Variants in NAA16 observed in about 807,000 individuals in gnomAD.
NAA16 encodes the protein NARG1-like protein.
A neutral mutation model predicts 110.3 loss-of-function variants in NAA16; 97 were observed. The ratio of observed to expected loss-of-function variants is 0.88; its 90% CI spans 0.75 to 1.04. NAA16 has a LOEUF of 1.04. Ranked by LOEUF, NAA16 falls within the 50% of genes least tolerant of loss-of-function variation. The probability of loss-of-function intolerance (pLI) is 0.00; values close to 1 mark genes in which losing one functional copy is unlikely to be tolerated. For synonymous variants in NAA16, 372 were observed against 330.6 expected, an observed-to-expected ratio of 1.13 and a Z score of -1.36; for missense variants, 1,017 against 1,005.1, an observed-to-expected ratio of 1.01 and a Z score of -0.16.
Position 41,330,037 on chromosome 13 carries a change from TC to T in NAA16, c.811+1195del, listed in dbSNP as rs1289089995. Among the ~76,000 whole-genome samples, 13 of 144,556 alleles carry T rather than the reference TC, an allele frequency of 9.0e-5. No homozygotes were observed. In the East Asian group the frequency reaches 2.6e-3, roughly 29 times the overall value. The allele number at this position is 144,556 out of a possible 152,430, so 94.8% of individuals were successfully genotyped here. ...TAGGGTAGTGGATAATTTTTTTTTT[TC>T]ATACTTGGCGCTTGTTGTTCTCTAC... On this transcript the variant is annotated intron_variant, in intron 7 of 19. Transcript: ENST00000379406.
chr13:41,340,647 G>GTTTTTTTT (rs754237653), intron 9 of NAA16, among the ~76,000 whole-genome samples: 1 of 43,598 alleles, frequency 2.3e-5, no homozygotes, highest in Non-Finnish European at 4.5e-5. Context: ...TTTTGAGTGA[G>GTTTTTTTT]TTTTTTTTTT....
rs576171357 is a variant in NAA16, at chr13:41,350,655, C to T, written c.1015-4489C>T. ...TTTTTTTAAGATAAGAGTTTCACTC[C>T]CGTTGCCCAGGCTGGAGCACAATGG... On this transcript the variant is annotated intron_variant, in intron 9 of 19. Transcript: ENST00000379406. Among the ~76,000 whole-genome samples, 21 of 147,104 alleles carry T rather than the reference C, an allele frequency of 1.4e-4. No homozygotes were observed. In the South Asian group the frequency reaches 4.6e-3, roughly 32 times the overall value.
chr13:41,318,737 A>G (rs2041871191), intron 2 of NAA16, 69 bp from the exon 3 acceptor site: 1 of 679,546 alleles, frequency 1.5e-6, no homozygotes, highest in Non-Finnish European at 2.2e-6. Flanking sequence ...CAACTATTAA[A>G]GTACTATTAA....
chr13:41,362,202 A>T, intron 13 of NAA16, 43 bp downstream of exon 13: 3 of 1,557,584 alleles, frequency 1.9e-6, no homozygotes, highest in African/African-American at 1.4e-5. Flanking sequence ...CTGTAAGGTG[A>T]TAAAAAGCAG....
intron 3 of NAA16, among the ~76,000 whole-genome samples, chr13:41,319,866 T>G (rs2041904415): frequency 6.6e-6 from 1 of 151,766 alleles, no homozygotes; most frequent in African/African-American, 2.4e-5. Flanking sequence ...GATTTTCATT[T>G]TTTTTTTTTT....
Position 41,311,318 on chromosome 13 carries a change from G to A in NAA16, c.-211G>A. The stretch of plus-strand genomic sequence containing the variant: ...CCGCTGGCCAAAAAGCGGAGCCCAG[G>A]GGAAGCGTGTCCTGCTCAGACCGCC... On this transcript the variant is annotated 5_prime_UTR_variant, in exon 1 of 20. Transcript: ENST00000379406. The A allele has an allele frequency of 1.8e-6, 1 of 554,200 alleles. No individual in the cohort carries two copies. Among genetic ancestry groups the A allele is most frequent in the Non-Finnish European group, 3.1e-6 (1 of 317,696 alleles). 34.3% of individuals were successfully genotyped at this position (554,200 alleles called of 1,614,324 possible).
At chr13:41,354,100 C>A (rs185888309) in intron 9 of NAA16, among the ~76,000 whole-genome samples, 1 of 152,094 alleles carries the variant, frequency 6.6e-6, no homozygotes, top group Non-Finnish European at 1.5e-5. Context: ...ATGTTCCTTA[C>A]TGTTAATGTA....
intron 6 of NAA16, among the ~76,000 whole-genome samples, chr13:41,327,472 A>C (rs2042123810): frequency 6.6e-6 from 1 of 151,940 alleles, no homozygotes; most frequent in Admixed American, 6.6e-5. Context: ...AAAAAAAACA[A>C]ATAGGGAATG....
intron 1 of NAA16, among the ~76,000 whole-genome samples, 198 bp from the exon 2 acceptor site, chr13:41,316,648 A>C (rs1048842344): frequency 6.6e-6 from 1 of 152,158 alleles, no homozygotes. Context: ...GTCTTTTATA[A>C]AAATGAAAAT....
intron 9 of NAA16, among the ~76,000 whole-genome samples, chr13:41,347,053 C>T (rs1214626665): frequency 2.6e-5 from 4 of 151,920 alleles, no homozygotes; most frequent in African/African-American, 9.7e-5. Flanking sequence ...CCCATCTCTA[C>T]TAAAAATACA....
At chr13:41,331,414 TACTC>T in intron 8 of NAA16, 45 bp downstream of exon 8, 1 of 1,304,262 alleles carries the variant, frequency 7.7e-7, no homozygotes, top group South Asian at 1.3e-5. Flanking sequence ...TTGTCAGAAT[TACTC>T]AATGTTATTT....
intron 9 of NAA16, among the ~76,000 whole-genome samples, chr13:41,342,143 CTT>C (rs551852444): frequency 0.016 from 1,903 of 119,588 alleles, 31 homozygotes; most frequent in African/African-American, 0.055. Context: ...CTCTCTCTCT[CTT>C]TTTTTTTTTT....
chr13:41,339,035 A>AC (rs778741109), intron 9 of NAA16, among the ~76,000 whole-genome samples: 22 of 152,246 alleles, frequency 1.4e-4, no homozygotes, highest in Non-Finnish European at 2.5e-4. Flanking sequence ...ATTAAAGAGT[A>AC]ATTCATGTTG....
At chr13:41,311,770 C>T (rs907718637) in intron 1 of NAA16, among the ~76,000 whole-genome samples, 188 bp downstream of exon 1, 3 of 152,230 alleles carry the variant, frequency 2.0e-5, no homozygotes, top group African/African-American at 7.2e-5. Flanking sequence ...CCGAGCCGCT[C>T]CTCCGTGCGC....
chr13:41,373,229 TTAA>T (rs1224404877), intron 17 of NAA16: 1 of 821,834 alleles, frequency 1.2e-6, no homozygotes, highest in Non-Finnish European at 1.5e-6. Context: ...AAAATCAAGT[TTAA>T]TAATAAAGGT....
intron 8 of NAA16, among the ~76,000 whole-genome samples, chr13:41,334,343 A>T (rs945716701): frequency 1.6e-4 from 24 of 152,234 alleles, no homozygotes; most frequent in African/African-American, 5.8e-4. Context: ...TTTCAAAATA[A>T]TCAGTTCATC....
chr13:41,353,939 A>G (rs780844808), intron 9 of NAA16, among the ~76,000 whole-genome samples: 2 of 152,234 alleles, frequency 1.3e-5, no homozygotes, highest in Non-Finnish European at 2.9e-5. Flanking sequence ...TTGTTTTTTA[A>G]AAAAGAAAAC....
intron 9 of NAA16, among the ~76,000 whole-genome samples, chr13:41,346,354 G>A (rs2042680338): frequency 6.6e-6 from 1 of 152,136 alleles, no homozygotes; most frequent in African/African-American, 2.4e-5. Context: ...TGTCTTTATT[G>A]TTTTCTATTA....
In NAA16 at chr13:41,362,070, T is replaced by A. The variant is rs879138415; in HGVS notation, c.1450T>A (p.Cys484Ser). The change falls in exon 13 of 20, where the codon TGT becomes AGT. Residue 484 changes from cysteine (C) to serine (S), a missense_variant. Cys to Ser is a moderately radical substitution (Grantham distance 112). Coordinates refer to ENST00000379406, the MANE Select transcript of NAA16 (RefSeq NM_024561.5). ...SAMENLNEMQ[C>S]MWFQTECISA... ...CATGGAAAATCTAAATGAAATGCAGTGTATGTGGTTTCAGACAGAATGCAT... is the reference window on the plus strand; with the variant it reads ...CATGGAAAATCTAAATGAAATGCAGAGTATGTGGTTTCAGACAGAATGCAT... The A allele has an allele frequency of 1.9e-6, 3 of 1,611,352 alleles. No individual in the cohort carries two copies. The highest frequency in any genetic ancestry group is 2.5e-6 in the Non-Finnish European group (3 of 1,179,078).
Sources: allele counts gnomAD v4.1 joint callset (sites outside exome capture counted in the v4.1 genomes callset), GRCh38; gene constraint gnomAD v4.1.1; transcripts MANE v1.5; gene names NCBI Gene and HGNC (gene_info 2026-07-23, HGNC 2026-07-21).